PCSK5: variants seen among roughly 807,000 people sequenced by gnomAD.
PCSK5 encodes the protein prohormone convertase 5.
Under a neutral mutation model 233.2 loss-of-function variants are expected in PCSK5, and 129 were observed. The observed-to-expected ratio is 0.55, with a 90% confidence interval of 0.48 to 0.64. PCSK5 has a LOEUF of 0.64. Among genes scored for constraint, PCSK5 ranks in the 30% least tolerant of loss-of-function variants. PCSK5 has a pLI of 0.00. For synonymous variants in PCSK5, 825 were observed against 879.2 expected, an observed-to-expected ratio of 0.94 and a Z score of 1.09; for missense variants, 2,076 against 2,430.1, an observed-to-expected ratio of 0.85 and a Z score of 3.06.
In PCSK5 at chr9:76,239,060, G is replaced by C; in HGVS notation, c.2968G>C (p.Asp990His). 6.2e-7 allele frequency: 1 copy of C among 1,611,366 alleles called. No individual in the cohort carries two copies. Residue 990 changes from aspartate (D) to histidine (H), a missense_variant, in exon 23 of 38, where the codon GAC becomes CAC. Around this residue, in one of 6 missense-constraint regions of PCSK5, gnomAD observed 1,510 missense variants for 1,538.1 expected, o/e 0.98. Transcript: ENST00000674117. ...GGGGAACACCTGCCTGCCCTGCCCA[G>C]ACAACTGTGAGCTTTGCCACAGCGT... ...TEGNTCLPCPDNCELCHSVHV... is the reference protein window; with the variant it reads ...TEGNTCLPCPHNCELCHSVHV...
At chr9:75,989,173 C>G (rs1206424438) in intron 3 of PCSK5, among the ~76,000 whole-genome samples, 1 of 152,170 alleles carries the variant, frequency 6.6e-6, no homozygotes, top group Non-Finnish European at 1.5e-5. Flanking sequence ...CATTGCTTCA[C>G]TTAGAATCTC....
intron 1 of PCSK5, among the ~76,000 whole-genome samples, chr9:75,895,328 C>T (rs1232699742): frequency 6.6e-6 from 1 of 152,146 alleles, no homozygotes; most frequent in African/African-American, 2.4e-5. Flanking sequence ...GTTAGGCTTG[C>T]AGCGAAAGGT....
At chr9:76,224,320 G>C (rs961476616) in intron 20 of PCSK5, among the ~76,000 whole-genome samples, 1 of 152,132 alleles carries the variant, frequency 6.6e-6, no homozygotes, top group South Asian at 2.1e-4. Flanking sequence ...ACAGTAGATG[G>C]GGAATTGACA....
chr9:76,074,495 G>A (rs1341536980), intron 7 of PCSK5, among the ~76,000 whole-genome samples: 1 of 152,192 alleles, frequency 6.6e-6, no homozygotes, highest in Non-Finnish European at 1.5e-5. Flanking sequence ...CTGTGGTGAT[G>A]CATTTAAATG....
intron 24 of PCSK5, among the ~76,000 whole-genome samples, chr9:76,278,064 G>A (rs897057370): frequency 6.6e-6 from 1 of 152,062 alleles, no homozygotes; most frequent in Non-Finnish European, 1.5e-5. Flanking sequence ...CTCCTCAAAG[G>A]GAGCAGTAGG....
At chr9:76,302,634 G>A (rs1287091976) in intron 28 of PCSK5, among the ~76,000 whole-genome samples, 4 of 152,116 alleles carry the variant, frequency 2.6e-5, no homozygotes, top group South Asian at 4.1e-4. Flanking sequence ...AAATAAAGTC[G>A]ATGTATTCAT....
Position 75,999,617 on chromosome 9 carries a change from G to A in PCSK5, c.411+13372G>A, listed in dbSNP as rs755889679. The stretch of plus-strand genomic sequence containing the variant: ...TTGTGGCTTAAGAATGCCTTTAAGC[G>A]GTTTTCCGCCCTGGGTGGCCCAGGT... On this transcript the variant is annotated intron_variant, in intron 3 of 37. Transcript: ENST00000674117. Among the ~76,000 whole-genome samples, 6 of 152,240 alleles carry A rather than the reference G, an allele frequency of 3.9e-5. No individual in the cohort carries two copies. In the East Asian group the frequency reaches 5.8e-4, roughly 15 times the overall value.
chr9:76,291,598 T>A (rs574966183), intron 24 of PCSK5, among the ~76,000 whole-genome samples: 1 of 152,274 alleles, frequency 6.6e-6, no homozygotes, highest in South Asian at 2.1e-4. Context: ...GCTGAGATGA[T>A]GACTCTCAAA....
chr9:76,134,964 T>C (rs1457460313), intron 10 of PCSK5, among the ~76,000 whole-genome samples: 2 of 152,082 alleles, frequency 1.3e-5, no homozygotes, highest in African/African-American at 4.8e-5. Flanking sequence ...AAGGTTTTAA[T>C]TCATTAATCT....
At chr9:75,937,840 C>T (rs545961161) in intron 2 of PCSK5, among the ~76,000 whole-genome samples, 1 of 152,210 alleles carries the variant, frequency 6.6e-6, no homozygotes, top group Non-Finnish European at 1.5e-5. Context: ...CATGAACCAA[C>T]CCCTGCTAGC....
chr9:76,320,269 A>T (rs925759438), intron 30 of PCSK5, among the ~76,000 whole-genome samples: 2 of 151,798 alleles, frequency 1.3e-5, no homozygotes, highest in Non-Finnish European at 2.9e-5. Flanking sequence ...TACTAAAAAA[A>T]TACAAAAACA....
intron 22 of PCSK5, among the ~76,000 whole-genome samples, chr9:76,235,629 A>G (rs1377433643): frequency 2.0e-5 from 3 of 152,250 alleles, no homozygotes; most frequent in African/African-American, 7.2e-5. Context: ...ACAGTCTAAC[A>G]AGGAGGTTTG....
chr9:76,244,137 G>A (rs1436382827), intron 24 of PCSK5, among the ~76,000 whole-genome samples: 1 of 152,044 alleles, frequency 6.6e-6, no homozygotes, highest in African/African-American at 2.4e-5. Flanking sequence ...GAGGTGGGAG[G>A]ATCACCTGAG....
At chr9:76,313,472 C>G (rs964948442) in intron 30 of PCSK5, among the ~76,000 whole-genome samples, 1 of 152,110 alleles carries the variant, frequency 6.6e-6, no homozygotes, top group Admixed American at 6.6e-5. Context: ...AACCACTAAT[C>G]TACTTTCTAT....
intron 24 of PCSK5, among the ~76,000 whole-genome samples, chr9:76,291,965 G>C (rs537219063): frequency 6.6e-6 from 1 of 152,132 alleles, no homozygotes; most frequent in Non-Finnish European, 1.5e-5. Flanking sequence ...TCTTTAATTC[G>C]AAGACCCAGT....
chr9:76,354,996 C>A (rs1034994352), intron 37 of PCSK5, among the ~76,000 whole-genome samples: 1 of 152,150 alleles, frequency 6.6e-6, no homozygotes, highest in Non-Finnish European at 1.5e-5. Context: ...TCAGCCCAAA[C>A]CTAGGCCTCT....
intron 1 of PCSK5, among the ~76,000 whole-genome samples, chr9:75,924,467 G>C (rs1427887902): frequency 6.6e-6 from 1 of 152,110 alleles, no homozygotes. Flanking sequence ...AGGCTGACAT[G>C]GTTTCAAATC....
intron 7 of PCSK5, among the ~76,000 whole-genome samples, chr9:76,076,266 A>AGG (rs888519410): frequency 6.6e-5 from 10 of 152,072 alleles, no homozygotes; most frequent in Admixed American, 1.3e-4. Flanking sequence ...GATGTGTTGG[A>AGG]GGGGAAGGCA....
chr9:76,154,547 A>T (rs1823806344), intron 10 of PCSK5, among the ~76,000 whole-genome samples: 1 of 152,162 alleles, frequency 6.6e-6, no homozygotes, highest in Non-Finnish European at 1.5e-5. Flanking sequence ...GCCCTGTCCA[A>T]GTCCCCACCT....
Sources: allele counts gnomAD v4.1 joint callset (sites outside exome capture counted in the v4.1 genomes callset), GRCh38; gene constraint gnomAD v4.1.1; regional missense constraint gnomAD v4.1.1; transcripts MANE v1.5; gene names NCBI Gene and HGNC (gene_info 2026-07-23, HGNC 2026-07-21).